Variants in DNAH5 observed in about 807,000 individuals in gnomAD.
DNAH5 encodes axonemal beta dynein heavy chain 5.
Under a neutral mutation model 518.2 loss-of-function variants are expected in DNAH5, and 372 were observed. The observed-to-expected ratio is 0.72, with a 90% confidence interval of 0.66 to 0.78. The LOEUF is 0.78. Ranked by LOEUF, DNAH5 falls within the 30% of genes least tolerant of loss-of-function variation. The pLI, the probability that DNAH5 is intolerant of heterozygous loss-of-function variation, is 0.00. For synonymous variants in DNAH5, 2,039 were observed against 2,025.9 expected (o/e 1.01, Z -0.17); for missense variants, 5,523 against 5,687.0 (o/e 0.97, Z 0.93).
intron 76 of DNAH5, 49 bp from the exon 77 acceptor site, chr5:13,701,485 A>G: frequency 6.7e-7 from 1 of 1,489,616 alleles, no homozygotes; most frequent in Admixed American, 1.7e-5. Context: ...TTAATACTGC[A>G]GTGTAAACCA....
At chr5:13,792,808 T>G (rs1166812566) in intron 49 of DNAH5, among the ~76,000 whole-genome samples, 1 of 152,226 alleles carries the variant, frequency 6.6e-6, no homozygotes, top group Non-Finnish European at 1.5e-5. Context: ...GACATTTTCG[T>G]TTGCCAGAAA....
At chr5:13,694,943 T>A (rs964511209) in intron 78 of DNAH5, among the ~76,000 whole-genome samples, 1 of 152,212 alleles carries the variant, frequency 6.6e-6, no homozygotes, top group African/African-American at 2.4e-5. Context: ...TGATGGGTAC[T>A]AATATTTAAT....
intron 5 of DNAH5, among the ~76,000 whole-genome samples, chr5:13,921,459 TTG>T (rs145389161): frequency 1.5e-4 from 20 of 130,302 alleles, no homozygotes; most frequent in South Asian, 5.4e-4. Flanking sequence ...TCTCTCTCTC[TTG>T]CTCTATCTCT....
intron 42 of DNAH5, among the ~76,000 whole-genome samples, chr5:13,815,837 T>G (rs1301071736): frequency 7.2e-5 from 11 of 152,040 alleles, no homozygotes; most frequent in Admixed American, 6.6e-5. Context: ...GGCTGGAGAT[T>G]AAAATGTGAA....
At position 13,891,018 on chromosome 5, in the gene DNAH5, C is replaced by A. The variant is rs757277607; in HGVS notation, c.2535G>T (p.Gln845His). ...ACTCTTCACAGGTTAGTGGCTCCTC[C>A]TGGGGAAGCTGACAAAGAGGCGTGC... ...MSSTPLCQLP[Q>H]EEPLTCEEFL... Residue 845 changes from glutamine (Q) to histidine (H), a missense_variant, in exon 17 of 79, where the codon CAG becomes CAT. Physicochemically the swap from Gln to His is conservative, Grantham distance 24 (BLOSUM62 0). Around this residue, in one of 3 missense-constraint regions of DNAH5, gnomAD observed 5,121 missense variants for 5,223.3 expected, o/e 0.98. Transcript: ENST00000265104. 6.2e-7 allele frequency: 1 copy of A among 1,614,162 alleles called. No homozygotes were observed. Among genetic ancestry groups the A allele is most frequent in the Non-Finnish European group, 8.5e-7 (1 of 1,180,014 alleles).
intron 43 of DNAH5, among the ~76,000 whole-genome samples, 194 bp downstream of exon 43, chr5:13,814,411 T>C (rs933495200): frequency 6.6e-6 from 1 of 152,218 alleles, no homozygotes; most frequent in Admixed American, 6.5e-5. Flanking sequence ...TCAAAAGTGA[T>C]TGGAAGAGTA....
At chr5:13,872,383 C>A (rs1384377540) in intron 22 of DNAH5, among the ~76,000 whole-genome samples, 1 of 152,172 alleles carries the variant, frequency 6.6e-6, no homozygotes, top group Non-Finnish European at 1.5e-5. Flanking sequence ...AATACTACAT[C>A]TAACCAACCA....
At chr5:14,008,574 T>C (rs1281616511) in intron 1 of DNAH5, among the ~76,000 whole-genome samples, 2 of 151,006 alleles carry the variant, frequency 1.3e-5, no homozygotes, top group Non-Finnish European at 2.9e-5. Flanking sequence ...CCCTTGGAGA[T>C]GGAGGTTGCA....
chr5:13,897,405 T>A (rs1774044366), intron 15 of DNAH5: 1 of 152,152 alleles, frequency 6.6e-6, no homozygotes, highest in Non-Finnish European at 1.5e-5. Flanking sequence ...CTCAACTGCT[T>A]TGACAAAAGA....
intron 78 of DNAH5, among the ~76,000 whole-genome samples, chr5:13,696,740 C>T (rs555975202): frequency 6.6e-6 from 1 of 152,258 alleles, no homozygotes; most frequent in South Asian, 2.1e-4. Context: ...AGTTTTCCAT[C>T]ACTAAAGAAA....
At chr5:13,826,234 T>C (rs1337526947) in intron 38 of DNAH5, among the ~76,000 whole-genome samples, 1 of 152,196 alleles carries the variant, frequency 6.6e-6, no homozygotes, top group African/African-American at 2.4e-5. Flanking sequence ...CACTATGATC[T>C]TGTGAACATG....
Position 13,737,234 on chromosome 5 carries a change from T to C in DNAH5, c.11455+18A>G. The C allele has an allele frequency of 6.2e-7, 1 of 1,614,018 alleles. No homozygotes were observed. The highest frequency in any genetic ancestry group is 8.5e-7 in the Non-Finnish European group (1 of 1,179,934). Reference sequence around the variant, plus strand: ...ATTTCATTTTCCTGTGACATTTGTCTTTCATTACCAAACTCACCAGGTCTG... The same window carrying C: ...ATTTCATTTTCCTGTGACATTTGTCCTTCATTACCAAACTCACCAGGTCTG... On this transcript the variant is annotated intron_variant, in intron 66 of 78. Transcript: ENST00000265104.
At position 13,791,938 on chromosome 5, in the gene DNAH5, T is replaced by C. The variant is rs1049764414; in HGVS notation, c.8448+56A>G. On this transcript the variant is annotated intron_variant, in intron 50 of 78. Coordinates refer to ENST00000265104, the MANE Select transcript of DNAH5 (RefSeq NM_001369.3). The stretch of plus-strand genomic sequence containing the variant: ...TAAAAAATAAATCAATAAAAATATT[T>C]AGAATATATCATTAATAGCAATGTT... The C allele has an allele frequency of 4.3e-6, 6 of 1,392,120 alleles. No homozygotes were observed. The African/African-American group carries it at 5.8e-5, about 13-fold the overall frequency. 86.2% of individuals were successfully genotyped at this position (1,392,120 alleles called of 1,614,324 possible).
chr5:13,811,606 G>A, intron 44 of DNAH5, 41 bp downstream of exon 44: 1 of 1,588,070 alleles, frequency 6.3e-7, no homozygotes, highest in Non-Finnish European at 8.6e-7. Flanking sequence ...GCATGGCTAA[G>A]TTGATAAGAG....
chr5:13,722,586 G>C (rs1234727122), intron 70 of DNAH5, among the ~76,000 whole-genome samples: 1 of 152,178 alleles, frequency 6.6e-6, no homozygotes, highest in Non-Finnish European at 1.5e-5. Flanking sequence ...CTGGTGTGTG[G>C]AGACTTCTCA....
chr5:13,863,965 T>A (rs981165091), intron 28 of DNAH5, among the ~76,000 whole-genome samples: 1 of 152,210 alleles, frequency 6.6e-6, no homozygotes, highest in African/African-American at 2.4e-5. Flanking sequence ...CTGCCTGGAA[T>A]GGCCTTCTTT....
At position 13,776,562 on chromosome 5, in the gene DNAH5, T is replaced by G; in HGVS notation, c.9250A>C (p.Ile3084Leu). 1 of 1,613,892 alleles carries G rather than the reference T, an allele frequency of 6.2e-7. No individual in the cohort carries two copies. Among genetic ancestry groups the G allele is most frequent in the Middle Eastern group, 1.7e-4 (1 of 6,060 alleles). Residue 3084 changes from isoleucine to leucine, a missense_variant, in exon 55 of 79, where the codon ATT becomes CTT. Ile to Leu is a conservative substitution (Grantham distance 5). Around this residue, in one of 3 missense-constraint regions of DNAH5, gnomAD observed 5,121 missense variants for 5,223.3 expected, o/e 0.98. Transcript: ENST00000265104. ...FMSRVRQNLHIVLCFSPVGEK... is the reference protein window; with the variant it reads ...FMSRVRQNLHLVLCFSPVGEK... ...CCCACTGGCGAGAAGCAGAGCACAA[T>G]ATGAAGGTTCTGTCGGACCCGACTC...
chr5:13,781,120 T>C (rs1755058744), intron 52 of DNAH5, among the ~76,000 whole-genome samples, 161 bp from the exon 53 acceptor site: 1 of 152,182 alleles, frequency 6.6e-6, no homozygotes. Context: ...AGGGCATTTC[T>C]GAAATAGAAC....
chr5:13,947,994 A>C (rs1780063117), upstream of DNAH5, among the ~76,000 whole-genome samples: 1 of 152,216 alleles, frequency 6.6e-6, no homozygotes, highest in Non-Finnish European at 1.5e-5. Context: ...AAATCATGAC[A>C]TGAGTGTCCT....
Sources: allele counts gnomAD v4.1 joint callset (sites outside exome capture counted in the v4.1 genomes callset), GRCh38; gene constraint gnomAD v4.1.1; regional missense constraint gnomAD v4.1.1; transcripts MANE v1.5; gene names NCBI Gene and HGNC (gene_info 2026-07-23, HGNC 2026-07-21).